PTPRT: variants seen among roughly 807,000 people sequenced by gnomAD.
PTPRT encodes the protein protein tyrosine phosphatase receptor type T, also known as receptor-type tyrosine-protein phosphatase T.
In PTPRT, 56 loss-of-function variants were observed where a neutral mutation model predicts 176.8. That is an observed-to-expected ratio of 0.32 (90% CI 0.26 to 0.40). PTPRT has a LOEUF of 0.40. Among genes scored for constraint, PTPRT ranks in the 10% least tolerant of loss-of-function variants. The pLI, the probability that PTPRT is intolerant of heterozygous loss-of-function variation, is 1.00. For synonymous variants in PTPRT, 783 were observed against 739.0 expected (o/e 1.06, Z -0.96); for missense variants, 1,540 against 1,908.2 (o/e 0.81, Z 3.60).
intron 1 of PTPRT, among the ~76,000 whole-genome samples, chr20:42,943,704 A>G (rs1247904628): frequency 6.6e-6 from 1 of 152,176 alleles, no homozygotes; most frequent in Non-Finnish European, 1.5e-5. Context: ...CTCGTTCAAC[A>G]TATAGTTCAC....
chr20:43,173,271 G>A (rs775312429), intron 1 of PTPRT, among the ~76,000 whole-genome samples: 18 of 152,226 alleles, frequency 1.2e-4, no homozygotes, highest in African/African-American at 3.9e-4. Flanking sequence ...GTCACAGAGC[G>A]GAAACTTAGA....
chr20:42,216,527 G>C (rs567400254), intron 15 of PTPRT, among the ~76,000 whole-genome samples: 11 of 152,232 alleles, frequency 7.2e-5, no homozygotes, highest in Non-Finnish European at 1.5e-4. Flanking sequence ...CCAGTCATTT[G>C]CCTATCTTCT....
At chr20:42,838,223 G>A (rs551518853) in intron 2 of PTPRT, among the ~76,000 whole-genome samples, 10 of 152,074 alleles carry the variant, frequency 6.6e-5, no homozygotes, top group Admixed American at 5.2e-4. Flanking sequence ...ACAGGGTTTC[G>A]CCATGTTGGC....
intron 2 of PTPRT, among the ~76,000 whole-genome samples, chr20:42,798,211 G>A (rs2077480210): frequency 6.6e-6 from 1 of 152,130 alleles, no homozygotes; most frequent in South Asian, 2.1e-4. Flanking sequence ...TAATGTCCAG[G>A]AAACAGGCAC....
chr20:42,764,737 G>A (rs2076959507), intron 5 of PTPRT, among the ~76,000 whole-genome samples: 1 of 152,240 alleles, frequency 6.6e-6, no homozygotes, highest in South Asian at 2.1e-4. Context: ...GACTGGTTAT[G>A]AGAATTAAAT....
At chr20:42,842,710 G>A (rs1315655045) in intron 2 of PTPRT, among the ~76,000 whole-genome samples, 1 of 152,200 alleles carries the variant, frequency 6.6e-6, no homozygotes, top group South Asian at 2.1e-4. Flanking sequence ...ATGAGCCACT[G>A]AGCCTGGCCT....
intron 11 of PTPRT, among the ~76,000 whole-genome samples, chr20:42,326,994 T>G (rs2057892710): frequency 6.7e-6 from 1 of 149,436 alleles, no homozygotes; most frequent in South Asian, 2.1e-4. Flanking sequence ...GAAAAACCAC[T>G]ACTGGATATT....
At chr20:42,811,694 G>C (rs1322181856) in intron 2 of PTPRT, among the ~76,000 whole-genome samples, 1 of 152,020 alleles carries the variant, frequency 6.6e-6, no homozygotes. Flanking sequence ...ATTGTTGGTG[G>C]CCGCTGTTGT....
intron 5 of PTPRT, among the ~76,000 whole-genome samples, chr20:42,761,281 A>G (rs978418151): frequency 6.6e-6 from 1 of 151,668 alleles, no homozygotes; most frequent in Non-Finnish European, 1.5e-5. Flanking sequence ...CTAAAAATAC[A>G]AAATTAGCCG....
chr20:42,084,954 G>A, intron 28 of PTPRT, 109 bp from the exon 29 acceptor site: 2 of 932,364 alleles, frequency 2.1e-6, no homozygotes, highest in Non-Finnish European at 2.9e-6. Flanking sequence ...GACCAAATGG[G>A]ATCTAAGCCA....
rs146780780 is a variant in PTPRT at position 42,699,876 on chromosome 20, G to GT, written c.860-21718dup. 6.5e-3 allele frequency among the ~76,000 whole-genome samples: 990 copies of GT among 152,266 alleles called. 13 individuals are homozygous for GT. The highest frequency in any genetic ancestry group is 0.023 in the African/African-American group (944 of 41,544). ...AGGTTAAAAGCAATTGACAAAAAAAGTAAGCCCACAAACTAATTTGGGTCA... is the reference window on the plus strand; with the variant it reads ...AGGTTAAAAGCAATTGACAAAAAAAGTTAAGCCCACAAACTAATTTGGGTCA... On this transcript the variant is annotated intron_variant, in intron 6 of 30. Coordinates refer to ENST00000373187, the MANE Select transcript of PTPRT (RefSeq NM_007050.6).
chr20:42,186,711 G>T lies in PTPRT; in HGVS notation c.2491+12529C>A, dbSNP rs553463116. On this transcript the variant is annotated intron_variant, in intron 16 of 30. Coordinates refer to ENST00000373187, the MANE Select transcript of PTPRT (RefSeq NM_007050.6). The stretch of plus-strand genomic sequence containing the variant: ...ACGTGTTTAGATTTGCCTTGAAAAG[G>T]TCTCCCTGGCTCCTATGAAAAAATA... 2.6e-5 allele frequency among the ~76,000 whole-genome samples: 4 copies of T among 152,194 alleles called. No individual in the cohort carries two copies. The South Asian group carries it at 8.3e-4, about 32-fold the overall frequency.
intron 9 of PTPRT, among the ~76,000 whole-genome samples, chr20:42,411,517 C>CAAAAAAAAAAAAAAAAAAAAA (rs10591184): frequency 1.1e-5 from 1 of 88,340 alleles, no homozygotes; most frequent in Non-Finnish European, 2.2e-5. Flanking sequence ...AACCCTGTCT[C>CAAAAAAAAAAAAAAAAAAAAA]AAAAAAAAAA....
At chr20:43,037,732 A>G (rs905803361) in intron 1 of PTPRT, among the ~76,000 whole-genome samples, 5 of 151,998 alleles carry the variant, frequency 3.3e-5, no homozygotes, top group Non-Finnish European at 5.9e-5. Context: ...CATAACCCTC[A>G]TTGGGTACAC....
intron 12 of PTPRT, among the ~76,000 whole-genome samples, chr20:42,284,145 G>T (rs1445200681): frequency 6.6e-6 from 1 of 152,010 alleles, no homozygotes; most frequent in East Asian, 1.9e-4. Flanking sequence ...TTAATGTGGG[G>T]TGACTAGAAC....
intron 6 of PTPRT, among the ~76,000 whole-genome samples, chr20:42,692,009 T>C (rs1013114878): frequency 6.6e-6 from 1 of 152,228 alleles, no homozygotes; most frequent in Non-Finnish European, 1.5e-5. Context: ...GGGAACTCAA[T>C]GACATATACA....
At chr20:42,310,781 A>T (rs749178283) in intron 12 of PTPRT, among the ~76,000 whole-genome samples, 19 of 152,250 alleles carry the variant, frequency 1.2e-4, no homozygotes, top group Non-Finnish European at 2.1e-4. Flanking sequence ...CACCAAAGAC[A>T]GTGTGCCAGG....
Position 42,119,948 on chromosome 20 carries a change from G to GT in PTPRT, c.2870dup (p.Tyr957Ter). 6.2e-7 allele frequency: 1 copy of GT among 1,609,174 alleles called. No homozygotes were observed. Among genetic ancestry groups the GT allele is most frequent in the Non-Finnish European group, 8.5e-7 (1 of 1,177,798 alleles). ...YIDGYHRPRH[Y>*]IATQGPMQET... ...GAGGGCACTTACCTTGAGTCGCAAT[G>GT]TAGTGCCGAGGTCGATGGTATCCCT... The change falls in exon 20 of 31, where the codon TAC becomes TAAC. Residue 957 changes from tyrosine to a stop codon, truncating the protein, a stop_gained and frameshift_variant. Coordinates refer to ENST00000373187, the MANE Select transcript of PTPRT (RefSeq NM_007050.6). LOFTEE classifies it high-confidence loss of function.
At chr20:42,683,780 C>T (rs1434462640) in intron 6 of PTPRT, among the ~76,000 whole-genome samples, 1 of 152,144 alleles carries the variant, frequency 6.6e-6, no homozygotes, top group African/African-American at 2.4e-5. Context: ...TTCAAGCTTT[C>T]CTTGACCTTG....
Sources: gnomAD v4.1 joint callset for allele counts (sites outside exome capture counted in the v4.1 genomes callset) on GRCh38, gnomAD v4.1.1 for gene constraint, MANE v1.5 for transcripts, NCBI Gene and HGNC (gene_info 2026-07-23, HGNC 2026-07-21) for gene names.